TMBIM1: variants seen among roughly 807,000 people sequenced by gnomAD.
TMBIM1 encodes transmembrane BAX inhibitor motif containing 1, also known as protein lifeguard 3.
A neutral mutation model predicts 45.1 loss-of-function variants in TMBIM1; 34 were observed. The observed-to-expected ratio is 0.75, with a 90% CI of 0.57 to 1.00. TMBIM1 has a LOEUF of 1.00. Ranked by LOEUF, TMBIM1 falls within the 50% of genes least tolerant of loss-of-function variation. The probability of loss-of-function intolerance (pLI) is 0.00; values close to 1 mark genes in which losing one functional copy is unlikely to be tolerated. For synonymous variants in TMBIM1, 157 were observed against 153.5 expected, an observed-to-expected ratio of 1.02 and a Z score of -0.17; for missense variants, 374 against 402.4, an observed-to-expected ratio of 0.93 and a Z score of 0.60.
In TMBIM1 at chr2:218,284,527, C is replaced by T. The variant is rs569533340; in HGVS notation, c.-40-2346G>A. On this transcript the variant is annotated intron_variant, in intron 1 of 11. Transcript: ENST00000258412. ...GGGACTCCAAGGTTCTGGTGCAGCTCAGCGGGTGCTGACTCAGAGCTTCAC... is the reference window on the plus strand; with the variant it reads ...GGGACTCCAAGGTTCTGGTGCAGCTTAGCGGGTGCTGACTCAGAGCTTCAC... Among the ~76,000 whole-genome samples, 4 of 152,376 alleles carry T rather than the reference C, an allele frequency of 2.6e-5. No homozygotes were observed. In the East Asian group the frequency reaches 7.7e-4, roughly 29 times the overall value.
chr2:218,292,226 C>T (rs889812773), intron 1 of TMBIM1, among the ~76,000 whole-genome samples: 5 of 152,376 alleles, frequency 3.3e-5, no homozygotes, highest in African/African-American at 1.2e-4. Context: ...CGCTGCTGGG[C>T]TCCCAAGGCT....
chr2:218,283,648 C>A lies in TMBIM1; in HGVS notation c.-40-1467G>T, dbSNP rs931828921. On this transcript the variant is annotated intron_variant, in intron 1 of 11. Transcript: ENST00000258412. ...TGCTGGAAGCAAGAGAGACCAGCGT[C>A]TCTTTTTAGGGCACATTGCATAGTT... Among the ~76,000 whole-genome samples the A allele has an allele frequency of 3.3e-5, 5 of 152,306 alleles. No homozygotes were observed. The East Asian group carries it at 9.7e-4, about 29-fold the overall frequency.
chr2:218,280,874 T>A (rs1391812950), intron 2 of TMBIM1: 1 of 143,422 alleles, frequency 7.0e-6, no homozygotes, highest in East Asian at 2.0e-4. Flanking sequence ...TGCAAAGGCG[T>A]GATCTCGGCT....
Position 218,282,164 on chromosome 2 carries a change from A to T in TMBIM1, c.-23T>A. 1 of 1,451,410 alleles carries T rather than the reference A, an allele frequency of 6.9e-7. No homozygotes were observed. The highest frequency in any genetic ancestry group is 9.1e-7 in the Non-Finnish European group (1 of 1,100,192). The allele number at this position is 1,451,410 out of a possible 1,614,324, so 89.9% of individuals were successfully genotyped here. A position where few individuals can be genotyped will look rare whatever the true frequency, so the allele number is the denominator to read the frequency against. ...CATGGCTGCTCACGGGCTGAGGGGG[A>T]ACCCCAGCTGCTGGGACCTGAAATG... On this transcript the variant is annotated 5_prime_UTR_variant, in exon 2 of 12. Transcript: ENST00000258412.
chr2:218,288,964 A>G (rs1232550397), intron 1 of TMBIM1, among the ~76,000 whole-genome samples: 2 of 152,196 alleles, frequency 1.3e-5, no homozygotes, highest in Non-Finnish European at 2.9e-5. Flanking sequence ...TGAAATTCAG[A>G]AAAAAAGAGA....
chr2:218,278,692 G>A (rs953188609), intron 5 of TMBIM1, 127 bp from the exon 6 acceptor site: 7 of 1,017,108 alleles, frequency 6.9e-6, no homozygotes, highest in Non-Finnish European at 3.0e-6. Context: ...TCAACAGGAA[G>A]CAAGAACGAG....
chr2:218,277,009 G>A lies in TMBIM1; in HGVS notation c.730C>T (p.Gln244Ter), dbSNP rs775620772. ...AGCTCTCCTGGGACACTCACGTATTGGAAGTAGAGCACAATGCTAGTGACA... is the reference window on the plus strand; with the variant it reads ...AGCTCTCCTGGGACACTCACGTATTAGAAGTAGAGCACAATGCTAGTGACA... The part of the protein sequence containing the change: ...GIVTSIVLYF[Q>*]YVYWLHMLYA... The change falls in exon 10 of 12, where the codon CAA (glutamine) becomes TAA (stop). Residue 244 changes from glutamine to a stop codon, truncating the protein, a stop_gained. Transcript: ENST00000258412. LOFTEE classifies it high-confidence loss of function. 2 of 1,613,696 alleles carry A rather than the reference G, an allele frequency of 1.2e-6. No homozygotes were observed. Among genetic ancestry groups the A allele is most frequent in the East Asian group, 2.2e-5 (1 of 44,884 alleles).
chr2:218,282,122 G>A lies in TMBIM1; in HGVS notation c.20C>T (p.Pro7Leu). MSNPSA[P>L]PPYEDRNPLY... ...GGGGTTGCGGTCTTCATATGGTGGT[G>A]GGGCGCTGGGGTTGGACATGGCTGC... Residue 7 changes from proline to leucine, a missense_variant, in exon 2 of 12, where the codon CCA (proline) becomes CTA (leucine). Transcript: ENST00000258412. 1 of 1,519,244 alleles carries A rather than the reference G, an allele frequency of 6.6e-7. No homozygotes were observed. The allele number at this position is 1,519,244 out of a possible 1,614,324, so 94.1% of individuals were successfully genotyped here.
intron 10 of TMBIM1, 91 bp downstream of exon 10, chr2:218,276,913 C>T: frequency 3.7e-6 from 4 of 1,073,872 alleles, no homozygotes; most frequent in South Asian, 1.3e-5. Context: ...GAGCCTGCCC[C>T]GGGGACCTTT....
rs1193588493 is a variant in TMBIM1, at chr2:218,278,671, G to C, written c.423-106C>G. ...CCCAAATAGCCGTTTGGAAGTCTGA[G>C]GGGAAGCAACTCAACAGGAAGCAAG... is the stretch of plus-strand genomic sequence containing the variant. On this transcript the variant is annotated intron_variant, in intron 5 of 11. Transcript: ENST00000258412. 3 of 1,263,934 alleles carry C rather than the reference G, an allele frequency of 2.4e-6. No individual in the cohort carries two copies. The African/African-American group carries it at 4.4e-5, about 19-fold the overall frequency. The allele number at this position is 1,263,934 out of a possible 1,614,324, so 78.3% of individuals were successfully genotyped here.
In TMBIM1 at chr2:218,282,282, G is replaced by C; in HGVS notation, c.-40-101C>G. ...CTTGTCCAGGCTGCCTCCGTGGAGA[G>C]GAACACCACCTATTTTCTCCTTAGA... On this transcript the variant is annotated intron_variant, in intron 1 of 11. Transcript: ENST00000258412. 4.6e-6 allele frequency: 3 copies of C among 651,578 alleles called. 1 individual carries two copies. The South Asian group carries it at 7.2e-5, about 16-fold the overall frequency. The allele number at this position is 651,578 out of a possible 1,614,324, so 40.4% of individuals were successfully genotyped here.
At chr2:218,286,954 C>A (rs1348039563) in intron 1 of TMBIM1, 1 of 152,252 alleles carries the variant, frequency 6.6e-6, no homozygotes, top group Admixed American at 6.5e-5. Flanking sequence ...CTCCCTTTTC[C>A]TTTATCTGCC....
rs1300068689 is a variant in TMBIM1 at position 218,280,027 on chromosome 2, T to C, written c.302A>G (p.Lys101Arg). The C allele has an allele frequency of 6.2e-7, 1 of 1,613,986 alleles. No homozygotes were observed. Among genetic ancestry groups the C allele is most frequent in the Non-Finnish European group, 8.5e-7 (1 of 1,179,832 alleles). ...CCCACCTCCCAGCGCGTATCTTACC[T>C]TTCGGATAAAAGTGTGTCGCACTTT... ...DRKVRHTFIR[K>R]VYSIISVQLL... Residue 101 changes from lysine (K) to arginine (R), a missense_variant and splice_region_variant, in exon 3 of 12, where the codon AAG (lysine) becomes AGG (arginine). Lys to Arg is a conservative substitution (Grantham distance 26, BLOSUM62 2). Coordinates refer to ENST00000258412, the MANE Select transcript of TMBIM1 (RefSeq NM_022152.6).
At chr2:218,282,275 G>T in intron 1 of TMBIM1, 94 bp from the exon 2 acceptor site, 1 of 705,982 alleles carries the variant, frequency 1.4e-6, no homozygotes, top group Non-Finnish European at 2.2e-6. Context: ...GGCTGCCTCC[G>T]TGGAGAGGAA....
At chr2:218,288,380 A>C (rs1028118049) in intron 1 of TMBIM1, among the ~76,000 whole-genome samples, 3 of 152,002 alleles carry the variant, frequency 2.0e-5, no homozygotes, top group African/African-American at 7.2e-5. Flanking sequence ...AGTGAGTCAA[A>C]ATGGCGCCAC....
Position 218,282,039 on chromosome 2 carries a change from C to T in TMBIM1, c.103G>A (p.Gly35Arg). 1 of 1,607,030 alleles carries T rather than the reference C, an allele frequency of 6.2e-7. No homozygotes were observed. The highest frequency in any genetic ancestry group is 2.2e-5 in the East Asian group (1 of 44,598). Residue 35 changes from glycine to arginine, a missense_variant, in exon 2 of 12, where the codon GGG becomes AGG. Transcript: ENST00000258412. Reference sequence around the variant, plus strand: ...GGGTAGCCAGGGTAGGCAGGATACCCTCCTGGCAGGACAGATGGCTGCCCA... The same window carrying T: ...GGGTAGCCAGGGTAGGCAGGATACCTTCCTGGCAGGACAGATGGCTGCCCA... The part of the protein sequence containing the change: ...GYGQPSVLPG[G>R]YPAYPGYPQP...
rs1436282231 is a variant in TMBIM1, at chr2:218,277,626, A to T, written c.551+7T>A. The stretch of plus-strand genomic sequence containing the variant: ...TCCCAAGAGTGGTGCTTTATCCCTG[A>T]ATGTACCTGGAAATGGTGCCCGTCA... On this transcript the variant is annotated splice_region_variant and intron_variant, in intron 8 of 11. Coordinates refer to ENST00000258412, the MANE Select transcript of TMBIM1 (RefSeq NM_022152.6). 1 of 1,614,090 alleles carries T rather than the reference A, an allele frequency of 6.2e-7. No homozygotes were observed. The highest frequency in any genetic ancestry group is 1.3e-5 in the African/African-American group (1 of 74,928).
chr2:218,279,531 G>A (rs4674283), intron 3 of TMBIM1, 178 bp from the exon 4 acceptor site: 206,420 of 548,646 alleles, frequency 0.38, 39,538 homozygotes, highest in Middle Eastern at 0.5. Flanking sequence ...CCTCAGCCCC[G>A]CTCCCATGCT....
In TMBIM1 at chr2:218,274,601, C is replaced by T; in HGVS notation, c.*874G>A. Reference sequence around the variant, plus strand: ...CCTGCCCGCACCGAGTCTCTCTTCACCCTGGCTACTTCCTGGCCACACGTA... The same window carrying T: ...CCTGCCCGCACCGAGTCTCTCTTCATCCTGGCTACTTCCTGGCCACACGTA... On this transcript the variant is annotated 3_prime_UTR_variant, in exon 12 of 12. Transcript: ENST00000258412. The T allele has an allele frequency of 6.4e-6, 1 of 155,566 alleles. No individual in the cohort carries two copies. The highest frequency in any genetic ancestry group is 5.2e-4 in the Middle Eastern group (1 of 1,930). 9.6% of individuals were successfully genotyped at this position (155,566 alleles called of 1,614,324 possible).
Sources: allele counts gnomAD v4.1 joint callset (sites outside exome capture counted in the v4.1 genomes callset), GRCh38; gene constraint gnomAD v4.1.1; transcripts MANE v1.5; gene names NCBI Gene and HGNC (gene_info 2026-07-23, HGNC 2026-07-21).